XIAP: variants seen among roughly 807,000 people sequenced by gnomAD.
XIAP encodes X-linked inhibitor of apoptosis.
In XIAP, 3 loss-of-function variants were observed where a neutral mutation model predicts 33.1. The observed-to-expected ratio is 0.09, with a 90% CI of 0.04 to 0.23. XIAP has a LOEUF of 0.23. Ranked by LOEUF, XIAP falls within the 10% of genes least tolerant of loss-of-function variation. The probability of loss-of-function intolerance (pLI) is 1.00; values close to 1 mark genes in which losing one functional copy is unlikely to be tolerated. For missense variants in XIAP, 264 were observed against 363.0 expected (o/e 0.73, Z 2.22); for synonymous variants, 98 against 121.3 (o/e 0.81, Z 1.26).
chrX:123,893,081 A>C (rs1358210399), intron 5 of XIAP, among the ~76,000 whole-genome samples: 2 of 109,001 alleles, frequency 1.8e-5, no homozygotes, highest in Admixed American at 9.9e-5. Flanking sequence ...CGGCCTTCCA[A>C]AGTGCTGGGA....
chrX:123,904,547 C>T (rs868528495), intron 6 of XIAP, among the ~76,000 whole-genome samples: 2 of 111,802 alleles, frequency 1.8e-5, no homozygotes, highest in African/African-American at 3.3e-5. Flanking sequence ...AGTTTTCTCC[C>T]GCACCCACAG....
intron 4 of XIAP, among the ~76,000 whole-genome samples, chrX:123,892,027 T>G (rs780289791): frequency 1.8e-5 from 2 of 111,091 alleles, no homozygotes; most frequent in Admixed American, 9.8e-5. Flanking sequence ...ATAAGTAGTT[T>G]TAAGTTTTTG....
chrX:123,899,144 A>AATATAT (rs1175980983), intron 5 of XIAP, among the ~76,000 whole-genome samples: 7 of 50,184 alleles, frequency 1.4e-4, no homozygotes, highest in African/African-American at 5.9e-4. Flanking sequence ...AAAAAAAAAA[A>AATATAT]ATATATATAT....
intron 1 of XIAP, among the ~76,000 whole-genome samples, chrX:123,877,574 T>C (rs772092564): frequency 3.6e-5 from 4 of 111,945 alleles, no homozygotes; most frequent in Admixed American, 9.6e-5. Flanking sequence ...AAGTGATTTG[T>C]TACAATTAGC....
intron 1 of XIAP, among the ~76,000 whole-genome samples, chrX:123,882,529 A>C (rs1047183036): frequency 1.7e-4 from 19 of 111,783 alleles, no homozygotes; most frequent in Admixed American, 9.6e-5. Context: ...AGGATGTTAA[A>C]CTTTGTTAAT....
At position 123,900,633 on chromosome X, in the gene XIAP, C is replaced by T; in HGVS notation, c.1240C>T (p.Leu414=). 8.3e-7 allele frequency: 1 copy of T among 1,211,057 alleles called. No homozygotes were observed. Among genetic ancestry groups the T allele is most frequent in the Non-Finnish European group, 1.1e-6 (1 of 895,286 alleles). The change falls in exon 6 of 7, where the codon CTA becomes TTA. Residue 414 remains leucine (L), a synonymous_variant. Transcript: ENST00000371199. ...YKSLEVLVAD[L]VNAQKDSMQD... ...ATCACTTGAGGTTCTGGTTGCAGAT[C>T]TAGTGAATGCTCAGAAAGACAGTAT... is the stretch of plus-strand genomic sequence containing the variant.
chrX:123,883,512 TTGA>T, intron 1 of XIAP, among the ~76,000 whole-genome samples: 1 of 104,318 alleles, frequency 9.6e-6, no homozygotes, highest in Non-Finnish European at 2.0e-5. Flanking sequence ...TTTTTTTTTT[TTGA>T]GACAGAGTTT....
intron 6 of XIAP, among the ~76,000 whole-genome samples, chrX:123,903,179 A>ATT: frequency 2.4e-5 from 2 of 82,120 alleles, no homozygotes; most frequent in African/African-American, 1.0e-4. Flanking sequence ...ATTATTTTAT[A>ATT]ATTTTTTTTT....
rs368295939 is a variant in XIAP, at chrX:123,912,216, G to GA, written c.*5047dup. 2,964 of 174,521 alleles carry GA rather than the reference G, an allele frequency of 0.017. 4 individuals are homozygous for GA. The highest frequency in any genetic ancestry group is 0.028 in the Middle Eastern group (16 of 563). 14.4% of individuals were successfully genotyped at this position (174,521 alleles called of 1,213,427 possible). The stretch of plus-strand genomic sequence containing the variant: ...ACCAAGGAGGAATTGAAAACACTGA[G>GA]AAAAAAAAAAAAGACCACACAATAA... On this transcript the variant is annotated 3_prime_UTR_variant, in exon 7 of 7. Transcript: ENST00000371199.
Position 123,912,740 on chromosome X carries a change from A to G in XIAP, c.*5559A>G, listed in dbSNP as rs1399488429. ...CACTGTGTTGCCCAGGATGGAGTGC[A>G]ATGGCACAATCTTGGCTCATGGCAA... On this transcript the variant is annotated 3_prime_UTR_variant, in exon 7 of 7. Coordinates refer to ENST00000371199, the MANE Select transcript of XIAP (RefSeq NM_001167.4). 6.1e-6 allele frequency: 2 copies of G among 325,651 alleles called. No homozygotes were observed. Among genetic ancestry groups the G allele is most frequent in the Non-Finnish European group, 1.2e-5 (2 of 169,279 alleles). 26.8% of individuals were successfully genotyped at this position (325,651 alleles called of 1,213,427 possible). A position where few individuals can be genotyped will look rare whatever the true frequency, so the allele number is the denominator to read the frequency against.
intron 6 of XIAP, 133 bp downstream of exon 6, chrX:123,900,826 G>A: frequency 3.5e-6 from 2 of 564,456 alleles, no homozygotes; most frequent in Non-Finnish European, 6.0e-6. Flanking sequence ...CTGTGTGTTA[G>A]TCTGCTCAAG....
chrX:123,860,008 G>A, upstream of XIAP: 1 of 313,719 alleles, frequency 3.2e-6, no homozygotes, highest in Admixed American at 3.2e-5. Flanking sequence ...GCCCAGTGGC[G>A]CAGCCCGGGC....
chrX:123,890,282 C>T (rs1373904205), intron 3 of XIAP, among the ~76,000 whole-genome samples: 2 of 104,476 alleles, frequency 1.9e-5, no homozygotes, highest in African/African-American at 6.9e-5. Flanking sequence ...TCCCAAAGTG[C>T]TGGGATTACA....
At chrX:123,892,890 A>C in intron 5 of XIAP, 117 bp downstream of exon 5, 2 of 628,829 alleles carry the variant, frequency 3.2e-6, no homozygotes, top group Non-Finnish European at 4.9e-6. Flanking sequence ...GTGCGATCTC[A>C]GCTCACTGCA....
intron 1 of XIAP, 60 bp downstream of exon 1, chrX:123,860,353 C>T: frequency 6.2e-6 from 2 of 323,053 alleles, no homozygotes; most frequent in Non-Finnish European, 1.2e-5. Flanking sequence ...CCTCTCCTCC[C>T]TCCCCTCTTC....
intron 1 of XIAP, among the ~76,000 whole-genome samples, chrX:123,864,054 C>T (rs2053105381): frequency 9.2e-6 from 1 of 108,536 alleles, no homozygotes. Context: ...TTTATTTTGT[C>T]TTCCTTTTTT....
At chrX:123,886,678 C>T (rs747092064) in intron 2 of XIAP, 139 bp downstream of exon 2, 2 of 649,164 alleles carry the variant, frequency 3.1e-6, no homozygotes, top group Non-Finnish European at 4.6e-6. Flanking sequence ...CTGTATTATT[C>T]CGTGAACTCT....
At chrX:123,870,759 G>A (rs1321070029) in intron 1 of XIAP, among the ~76,000 whole-genome samples, 1 of 111,239 alleles carries the variant, frequency 9.0e-6, no homozygotes, top group Non-Finnish European at 1.9e-5. Flanking sequence ...CTGCACTCCA[G>A]TCTGGGCGAT....
Position 123,878,429 on chromosome X carries a change from C to A in XIAP, c.-32-7202C>A, listed in dbSNP as rs751692216. Among the ~76,000 whole-genome samples the A allele has an allele frequency of 4.5e-5, 5 of 111,649 alleles. No homozygotes were observed. In the South Asian group the frequency reaches 1.8e-3, roughly 41 times the overall value. Reference sequence around the variant, plus strand: ...TCCCCAGCCCTAGGCAACCACTAATCTACTTTCTGTTTCTATTTATTTTAA... The same window carrying A: ...TCCCCAGCCCTAGGCAACCACTAATATACTTTCTGTTTCTATTTATTTTAA... On this transcript the variant is annotated intron_variant, in intron 1 of 6. Coordinates refer to ENST00000371199, the MANE Select transcript of XIAP (RefSeq NM_001167.4).
Sources: gnomAD v4.1 joint callset for allele counts (sites outside exome capture counted in the v4.1 genomes callset) on GRCh38, gnomAD v4.1.1 for gene constraint, MANE v1.5 for transcripts, NCBI Gene and HGNC (gene_info 2026-07-23, HGNC 2026-07-21) for gene names.